The following ANXA13 variants were observed in gnomAD, a reference collection of about 807,000 sequenced individuals.
ANXA13 encodes annexin A13.
Under a neutral mutation model 46.6 loss-of-function variants are expected in ANXA13, and 36 were observed. That is an observed-to-expected ratio of 0.77 (90% CI 0.59 to 1.02). The LOEUF (loss-of-function observed/expected upper bound fraction) is 1.02. Ranked by LOEUF, ANXA13 falls within the 50% of genes least tolerant of loss-of-function variation. ANXA13 has a pLI of 0.00. For synonymous variants in ANXA13, 163 were observed against 152.9 expected (o/e 1.07, Z -0.49); for missense variants, 417 against 396.5 (o/e 1.05, Z -0.44).
intron 2 of ANXA13, among the ~76,000 whole-genome samples, chr8:123,706,369 C>G (rs540210362): frequency 1.3e-5 from 2 of 152,382 alleles, no homozygotes; most frequent in South Asian, 4.1e-4. Flanking sequence ...AGGGCCTTGG[C>G]CTCTCAGGCC....
At chr8:123,688,802 C>A in intron 9 of ANXA13, 69 bp downstream of exon 9, 2 of 1,421,298 alleles carry the variant, frequency 1.4e-6, no homozygotes, top group Non-Finnish European at 2.0e-6. Flanking sequence ...TTCCTACACA[C>A]AAACCTCTGT....
intron 9 of ANXA13, among the ~76,000 whole-genome samples, chr8:123,686,926 T>G (rs1480752172): frequency 6.6e-6 from 1 of 152,202 alleles, no homozygotes; most frequent in East Asian, 1.9e-4. Context: ...CTAATCACTT[T>G]TTTTCGCTAC....
intron 3 of ANXA13, among the ~76,000 whole-genome samples, chr8:123,699,018 CACT>C (rs1813396370): frequency 6.6e-6 from 1 of 152,034 alleles, no homozygotes; most frequent in African/African-American, 2.4e-5. Context: ...TGAAAGGGGG[CACT>C]ATTAGCAATT....
At position 123,708,378 on chromosome 8, in the gene ANXA13, C is replaced by CA. The variant is rs560557621; in HGVS notation, c.91+4299dup. Among the ~76,000 whole-genome samples, 125 of 152,316 alleles carry CA rather than the reference C, an allele frequency of 8.2e-4. 1 individual carries two copies. The South Asian group carries it at 0.017, about 20-fold the overall frequency. On this transcript the variant is annotated intron_variant, in intron 2 of 10. Coordinates refer to ENST00000419625, the MANE Select transcript of ANXA13 (RefSeq NM_004306.4). ...GGCTCCAGACAGGGTGGGAAGCCCC[C>CA]AGGCCCTTGTGGCAGAACAGTGATC...
intron 1 of ANXA13, among the ~76,000 whole-genome samples, chr8:123,736,216 A>C (rs1485467673): frequency 1.3e-5 from 2 of 152,222 alleles, no homozygotes; most frequent in African/African-American, 4.8e-5. Flanking sequence ...TTATAGACAA[A>C]GTAACAGTTT....
At chr8:123,694,814 C>T (rs1234670374) in intron 6 of ANXA13, among the ~76,000 whole-genome samples, 2 of 152,092 alleles carry the variant, frequency 1.3e-5, no homozygotes, top group East Asian at 1.9e-4. Context: ...AAGTTTGTGG[C>T]GATTTGTTAT....
chr8:123,684,107 A>C (rs898765524), intron 10 of ANXA13, among the ~76,000 whole-genome samples: 2 of 152,246 alleles, frequency 1.3e-5, no homozygotes, highest in Admixed American at 6.5e-5. Flanking sequence ...GATGGCAATG[A>C]AGAAACACGT....
rs574415568 is a variant in ANXA13 at position 123,690,804 on chromosome 8, G to A, written c.643-1858C>T. 9.8e-5 allele frequency among the ~76,000 whole-genome samples: 15 copies of A among 152,298 alleles called. No individual in the cohort carries two copies. The East Asian group carries it at 1.2e-3, about 12-fold the overall frequency. ...ATCGGTTTCCCCAAATGGACGGCAC[G>A]CTGACAGCAGAGCCCTCTGTGCTCT... is the stretch of plus-strand genomic sequence containing the variant. On this transcript the variant is annotated intron_variant, in intron 8 of 10. Transcript: ENST00000419625. This position sits in a 1 kb window ranked among gnomAD's most constrained non-coding sequence, Gnocchi z 4.6.
chr8:123,722,604 A>C (rs1813905370), intron 1 of ANXA13, among the ~76,000 whole-genome samples: 1 of 152,190 alleles, frequency 6.6e-6, no homozygotes, highest in African/African-American at 2.4e-5. Flanking sequence ...CCAGTGAGCA[A>C]AGTGTGTATG....
At chr8:123,698,304 G>A (rs970755864) in intron 4 of ANXA13, 85 bp downstream of exon 4, 133 of 1,449,672 alleles carry the variant, frequency 9.2e-5, no homozygotes, top group Non-Finnish European at 1.2e-4. Context: ...TGGATAGAAT[G>A]CTGGGAAGTA....
chr8:123,713,583 A>G (rs1411034025), intron 1 of ANXA13, among the ~76,000 whole-genome samples: 1 of 152,356 alleles, frequency 6.6e-6, no homozygotes, highest in East Asian at 1.9e-4. Context: ...AAAAACTGCA[A>G]TTAACCTGTG....
At chr8:123,695,857 T>G (rs988907915) in intron 4 of ANXA13, 136 bp from the exon 5 acceptor site, 1 of 738,468 alleles carries the variant, frequency 1.4e-6, no homozygotes, top group Non-Finnish European at 2.3e-6. Context: ...GTCATCCCTA[T>G]AGGTCCAGGG....
At chr8:123,684,963 G>A (rs1813113767) in intron 9 of ANXA13, among the ~76,000 whole-genome samples, 1 of 152,170 alleles carries the variant, frequency 6.6e-6, no homozygotes, top group Admixed American at 6.5e-5. Context: ...GGAGAGCTGT[G>A]GCATCCTCGG....
chr8:123,688,634 G>A (rs1813180533), intron 9 of ANXA13, among the ~76,000 whole-genome samples: 1 of 152,112 alleles, frequency 6.6e-6, no homozygotes, highest in African/African-American at 2.4e-5. Context: ...TTGATGTGGG[G>A]TGCAAAAGCC....
intron 2 of ANXA13, among the ~76,000 whole-genome samples, chr8:123,704,636 A>T (rs1426967529): frequency 1.3e-5 from 2 of 152,046 alleles, no homozygotes; most frequent in African/African-American, 4.8e-5. Context: ...GCCTCAGGTG[A>T]TCCACCTGCC....
At chr8:123,698,122 C>T (rs984677124) in intron 4 of ANXA13, among the ~76,000 whole-genome samples, 4 of 152,228 alleles carry the variant, frequency 2.6e-5, no homozygotes, top group African/African-American at 9.7e-5. Flanking sequence ...GTGCCTCCTG[C>T]TTATAAAAGC....
chr8:123,706,250 A>G (rs1399384271), intron 2 of ANXA13, among the ~76,000 whole-genome samples: 3 of 152,230 alleles, frequency 2.0e-5, no homozygotes, highest in African/African-American at 7.2e-5. Flanking sequence ...ATTTTTAAAA[A>G]AAAACTTCGG....
intron 1 of ANXA13, among the ~76,000 whole-genome samples, chr8:123,732,672 GTT>G (rs1299531790): frequency 1.4e-5 from 2 of 144,046 alleles, no homozygotes; most frequent in African/African-American, 2.6e-5. Context: ...TGGCTGGTTT[GTT>G]TTTTTTTTTT....
intron 4 of ANXA13, 80 bp downstream of exon 4, chr8:123,698,309 G>A (rs1447662298): frequency 1.3e-6 from 2 of 1,493,290 alleles, no homozygotes; most frequent in Non-Finnish European, 1.8e-6. Flanking sequence ...AGAATGCTGG[G>A]AAGTAGGGTC....
Sources: gnomAD v4.1 joint callset for allele counts (sites outside exome capture counted in the v4.1 genomes callset) on GRCh38, gnomAD v4.1.1 for gene constraint, Gnocchi (gnomAD v3.1) non-coding constraint, MANE v1.5 for transcripts, NCBI Gene and HGNC (gene_info 2026-07-23, HGNC 2026-07-21) for gene names.